SLC29A3: variants seen among roughly 807,000 people sequenced by gnomAD.
SLC29A3 encodes solute carrier family 29 member 3, also known as equilibrative nucleoside transporter 3.
SLC29A3 carries 18 observed loss-of-function variants against 25.4 expected under a neutral mutation model. The ratio of observed to expected loss-of-function variants is 0.71; its 90% CI spans 0.49 to 1.05. The LOEUF (loss-of-function observed/expected upper bound fraction) is 1.05. Among genes scored for constraint, SLC29A3 ranks in the 50% least tolerant of loss-of-function variants. The pLI, the probability that SLC29A3 is intolerant of heterozygous loss-of-function variation, is 0.00. For missense variants in SLC29A3, 586 were observed against 609.0 expected, an observed-to-expected ratio of 0.96 and a Z score of 0.40; for synonymous variants, 258 against 267.1, an observed-to-expected ratio of 0.97 and a Z score of 0.33.
chr10:71,348,365 G>A (rs1474177563), intron 3 of SLC29A3, among the ~76,000 whole-genome samples: 3 of 152,224 alleles, frequency 2.0e-5, no homozygotes, highest in African/African-American at 7.2e-5. Flanking sequence ...TAGCTGTTAG[G>A]GACCTTAATA....
intron 4 of SLC29A3, among the ~76,000 whole-genome samples, chr10:71,355,436 T>C (rs143651721): frequency 2.0e-5 from 3 of 152,322 alleles, no homozygotes; most frequent in East Asian, 3.9e-4. Flanking sequence ...CATGTAGGTG[T>C]ATGACTGTGT....
intron 3 of SLC29A3, among the ~76,000 whole-genome samples, chr10:71,368,519 C>A (rs1459580922): frequency 1.3e-5 from 2 of 152,218 alleles, no homozygotes; most frequent in Admixed American, 6.5e-5. Context: ...TCTGGATCTC[C>A]CTGCCCAGGC....
chr10:71,320,939 C>T (rs1845833944), intron 1 of SLC29A3, among the ~76,000 whole-genome samples: 3 of 152,136 alleles, frequency 2.0e-5, no homozygotes, highest in Admixed American at 2.0e-4. Context: ...CAGCATGGGC[C>T]CCAGTCTGCT....
downstream of SLC29A3, chr10:71,366,454 T>G (rs553293735): frequency 1.3e-5 from 2 of 152,360 alleles, no homozygotes; most frequent in South Asian, 4.1e-4. Context: ...AGTGCTGGGA[T>G]TACAGGCATG....
At chr10:71,352,650 C>A (rs1846795671) in intron 4 of SLC29A3, 1 of 152,402 alleles carries the variant, frequency 6.6e-6, no homozygotes, top group African/African-American at 2.4e-5. Context: ...AACTCTCACC[C>A]CCAGCACCCC....
At chr10:71,339,936 A>T (rs756269943) in intron 2 of SLC29A3, among the ~76,000 whole-genome samples, 10 of 152,106 alleles carry the variant, frequency 6.6e-5, no homozygotes, top group Non-Finnish European at 1.3e-4. Context: ...CAGGTGCCAC[A>T]GCTCCTCCGT....
chr10:71,376,466 A>C (rs977178911), intron 4 of SLC29A3, among the ~76,000 whole-genome samples: 1 of 152,206 alleles, frequency 6.6e-6, no homozygotes. Flanking sequence ...TACTAAATGC[A>C]TGTAATAACT....
chr10:71,369,724 T>C (rs1847197185), intron 3 of SLC29A3, among the ~76,000 whole-genome samples: 1 of 152,210 alleles, frequency 6.6e-6, no homozygotes, highest in East Asian at 1.9e-4. Flanking sequence ...ATTGAGCAGC[T>C]ACTATGGTCA....
At position 71,342,911 on chromosome 10, in the gene SLC29A3, C is replaced by T. The variant is rs115795173; in HGVS notation, c.301-1298C>T. 9.0e-3 allele frequency among the ~76,000 whole-genome samples: 1,366 copies of T among 152,352 alleles called. 23 individuals are homozygous for T. Among genetic ancestry groups the T allele is most frequent in the African/African-American group, 0.031 (1,280 of 41,580 alleles). Reference sequence around the variant, plus strand: ...GGTACAGATTTCAAAGACCACAAAGCACTCTGCAGGCTTCAAAGGGAACTA... The same window carrying T: ...GGTACAGATTTCAAAGACCACAAAGTACTCTGCAGGCTTCAAAGGGAACTA... On this transcript the variant is annotated intron_variant, in intron 2 of 5. Transcript: ENST00000373189.
rs201610819 is a variant in SLC29A3 at position 71,322,900 on chromosome 10, G to A, written c.146G>A (p.Arg49His). The change falls in exon 2 of 6, where the codon CGC becomes CAC. Residue 49 changes from arginine to histidine, a missense_variant. By Grantham distance (29) the Arg-to-His change is conservative. Transcript: ENST00000373189. ...PPPGLQRPED[R>H]FCGTYIIFFS... ...CCTGGCCTGCAGAGGCCCGAGGACCGCTTCTGTGGCACATACATCATCTTC... is the reference window on the plus strand; with the variant it reads ...CCTGGCCTGCAGAGGCCCGAGGACCACTTCTGTGGCACATACATCATCTTC... 6.8e-6 allele frequency: 11 copies of A among 1,614,124 alleles called. No homozygotes were observed. Among genetic ancestry groups the A allele is most frequent in the South Asian group, 4.4e-5 (4 of 91,094 alleles).
Position 71,362,380 on chromosome 10 carries a change from C to A in SLC29A3, c.1200C>A (p.Pro400=). 6.2e-7 allele frequency: 1 copy of A among 1,614,162 alleles called. No individual in the cohort carries two copies. The highest frequency in any genetic ancestry group is 1.1e-5 in the South Asian group (1 of 91,084). The change falls in exon 6 of 6, where the codon CCC becomes CCA. Residue 400 remains proline, a synonymous_variant. Coordinates refer to ENST00000373189, the MANE Select transcript of SLC29A3 (RefSeq NM_018344.6). ...TCTTCGTGCTCTGTAACTACCAGCC[C>A]CGCGTCCACCTGAAGACTGTGGTCT... ...IPLFVLCNYQ[P]RVHLKTVVFQ...
At chr10:71,361,818 C>A (rs753247379) in intron 5 of SLC29A3, 136 bp from the exon 6 acceptor site, 47 of 999,296 alleles carry the variant, frequency 4.7e-5, no homozygotes, top group Non-Finnish European at 6.6e-5. Flanking sequence ...TCTCAGGGAA[C>A]GCTGGAGCTG....
chr10:71,377,384 G>A (rs1025454562), intron 4 of SLC29A3, among the ~76,000 whole-genome samples: 21 of 152,238 alleles, frequency 1.4e-4, no homozygotes, highest in Non-Finnish European at 5.9e-5. Flanking sequence ...AGCCCGCCGC[G>A]CTCAGCTCGG....
chr10:71,332,151 T>C (rs1846133503), intron 2 of SLC29A3, among the ~76,000 whole-genome samples: 1 of 141,516 alleles, frequency 7.1e-6, no homozygotes, highest in Admixed American at 7.9e-5. Flanking sequence ...TTCTTTTTTT[T>C]CTTTTTTTTT....
At chr10:71,343,004 G>A (rs1288058734) in intron 2 of SLC29A3, among the ~76,000 whole-genome samples, 2 of 152,190 alleles carry the variant, frequency 1.3e-5, no homozygotes, top group African/African-American at 4.8e-5. Context: ...TTTAGAGATG[G>A]GGTCTCACTC....
At chr10:71,374,160 TC>T (rs2131859587) in intron 3 of SLC29A3, among the ~76,000 whole-genome samples, 1 of 152,354 alleles carries the variant, frequency 6.6e-6, no homozygotes. Flanking sequence ...TGAATTCACT[TC>T]CTTTGAGCCA....
intron 4 of SLC29A3, among the ~76,000 whole-genome samples, chr10:71,377,478 G>A (rs1158704263): frequency 2.0e-5 from 3 of 147,762 alleles, no homozygotes; most frequent in Admixed American, 6.6e-5. Context: ...GAAATAGATG[G>A]CCGCGAGGGC....
downstream of SLC29A3, among the ~76,000 whole-genome samples, chr10:71,367,655 C>A (rs1414551968): frequency 1.3e-5 from 2 of 152,234 alleles, no homozygotes; most frequent in African/African-American, 2.4e-5. Flanking sequence ...CAACTTCAGG[C>A]TTCCCTGGGC....
chr10:71,319,295 T>C lies in SLC29A3; in HGVS notation c.-15T>C, dbSNP rs1845789229. ...CCGTGCGCCGGAGGCAGCGGCGGCG[T>C]GGCGCAGCGGCGACAGTAAGTGCGG... On this transcript the variant is annotated 5_prime_UTR_variant, in exon 1 of 6. Coordinates refer to ENST00000373189, the MANE Select transcript of SLC29A3 (RefSeq NM_018344.6). 3 of 638,058 alleles carry C rather than the reference T, an allele frequency of 4.7e-6. No homozygotes were observed. The highest frequency in any genetic ancestry group is 8.4e-6 in the Non-Finnish European group (3 of 355,608). The allele number at this position is 638,058 out of a possible 1,614,324, so 39.5% of individuals were successfully genotyped here. A position where few individuals can be genotyped will look rare whatever the true frequency, so the allele number is the denominator to read the frequency against.
Sources: allele counts gnomAD v4.1 joint callset (sites outside exome capture counted in the v4.1 genomes callset), GRCh38; gene constraint gnomAD v4.1.1; transcripts MANE v1.5; gene names NCBI Gene and HGNC (gene_info 2026-07-23, HGNC 2026-07-21).